Variants in CCDC77 observed in about 807,000 individuals in gnomAD.
The protein encoded by CCDC77 is coiled-coil domain containing 77.
CCDC77 carries 56 observed loss-of-function variants against 66.8 expected under a neutral mutation model. The observed-to-expected ratio is 0.84, with a 90% CI of 0.68 to 1.05. CCDC77 has a LOEUF of 1.05. Among genes scored for constraint, CCDC77 ranks in the 50% least tolerant of loss-of-function variants. The pLI is 0.00. For synonymous variants in CCDC77, 196 were observed against 195.2 expected, an observed-to-expected ratio of 1.00 and a Z score of -0.03; for missense variants, 570 against 576.8, an observed-to-expected ratio of 0.99 and a Z score of 0.12.
intron 4 of CCDC77, among the ~76,000 whole-genome samples, chr12:415,535 CATA>C (rs149815637): frequency 0.018 from 2,698 of 147,264 alleles, 77 homozygotes; most frequent in African/African-American, 0.059. Flanking sequence ...TAATTATTAA[CATA>C]ATAATATGTT....
exon 1 of CCDC77, chr12:389,450 T>A (rs1341306161): frequency 8.8e-6 from 4 of 453,486 alleles, no homozygotes; most frequent in Non-Finnish European, 1.6e-5. Context: ...CCGCCAAAGT[T>A]CTGCCCAGTC....
intron 4 of CCDC77, among the ~76,000 whole-genome samples, chr12:416,153 A>G (rs1945252046): frequency 6.6e-6 from 1 of 150,688 alleles, no homozygotes; most frequent in South Asian, 2.1e-4. Context: ...GTTGTCTAGG[A>G]TGGTCTTGAA....
At chr12:431,697 G>A (rs1222668608) in intron 7 of CCDC77, among the ~76,000 whole-genome samples, 169 bp from the exon 8 acceptor site, 1 of 152,144 alleles carries the variant, frequency 6.6e-6, no homozygotes, top group Non-Finnish European at 1.5e-5. Context: ...TAAGCACTAT[G>A]ATTATGATGT....
intron 9 of CCDC77, among the ~76,000 whole-genome samples, chr12:437,845 T>TAAAAA (rs3043231): frequency 9.5e-4 from 118 of 124,490 alleles, no homozygotes; most frequent in Non-Finnish European, 1.3e-3. Flanking sequence ...GACCCTGTCT[T>TAAAAA]AAAAAAAAAA....
At chr12:441,712 A>C in intron 12 of CCDC77, 62 bp from the exon 13 acceptor site, 2 of 1,553,860 alleles carry the variant, frequency 1.3e-6, no homozygotes, top group South Asian at 1.2e-5. Context: ...TTTTTGACTG[A>C]TATCGCTCCC....
upstream of CCDC77, among the ~76,000 whole-genome samples, chr12:398,826 C>G (rs1944861485): frequency 6.6e-6 from 1 of 151,776 alleles, no homozygotes; most frequent in Non-Finnish European, 1.5e-5. Flanking sequence ...GTGGCACAAT[C>G]TCGGCTCACT....
At chr12:441,047 G>C in intron 12 of CCDC77, 51 bp downstream of exon 12, 1 of 1,582,256 alleles carries the variant, frequency 6.3e-7, no homozygotes, top group Non-Finnish European at 8.6e-7. Flanking sequence ...TGTAAGTGAG[G>C]GAACATGGTC....
At chr12:394,276 C>T (rs1007328898) in intron 1 of CCDC77, among the ~76,000 whole-genome samples, 3 of 152,122 alleles carry the variant, frequency 2.0e-5, no homozygotes, top group Non-Finnish European at 2.9e-5. Context: ...CAACTGAGTG[C>T]GTTATGTGTT....
intron 4 of CCDC77, among the ~76,000 whole-genome samples, 187 bp from the exon 5 acceptor site, chr12:418,307 G>A (rs551903098): frequency 2.0e-5 from 3 of 152,092 alleles, no homozygotes; most frequent in South Asian, 4.2e-4. Context: ...AGCAAGACTT[G>A]GTCTCAATAA....
chr12:411,689 T>C, intron 3 of CCDC77, 58 bp from the exon 4 acceptor site: 3 of 1,384,506 alleles, frequency 2.2e-6, no homozygotes, highest in Non-Finnish European at 3.0e-6. Flanking sequence ...ATTTAGGAAG[T>C]TATAACTCAT....
At chr12:418,871 G>C (rs1945337408) in intron 5 of CCDC77, 3 of 430,304 alleles carry the variant, frequency 7.0e-6, no homozygotes. Flanking sequence ...GCTCATTTTT[G>C]TATTTTTAGT....
At chr12:416,681 T>A (rs1461142553) in intron 4 of CCDC77, among the ~76,000 whole-genome samples, 1 of 151,630 alleles carries the variant, frequency 6.6e-6, no homozygotes, top group Non-Finnish European at 1.5e-5. Flanking sequence ...GTTAAGTATA[T>A]TCACATTGTT....
rs376035524 is a variant in CCDC77 at position 428,871 on chromosome 12, T to G, written c.510+6T>G. The stretch of plus-strand genomic sequence containing the variant: ...GTAAGGAGCCTCCTCACAAAGTAAG[T>G]AATCTTTGGTGTAGCATGGTGAGTG... On this transcript the variant is annotated splice_donor_region_variant and intron_variant, in intron 6 of 12. Coordinates refer to ENST00000239830, the MANE Select transcript of CCDC77 (RefSeq NM_032358.4). 6 of 1,576,898 alleles carry G rather than the reference T, an allele frequency of 3.8e-6. No individual in the cohort carries two copies. Among genetic ancestry groups the G allele is most frequent in the Admixed American group, 1.7e-5 (1 of 59,428 alleles).
Position 408,065 on chromosome 12 carries a change from G to A in CCDC77, c.-16-1303G>A, listed in dbSNP as rs192646100. Among the ~76,000 whole-genome samples, 401 of 152,180 alleles carry A rather than the reference G, an allele frequency of 2.6e-3. 2 individuals carry two copies. Among genetic ancestry groups the A allele is most frequent in the Admixed American group, 4.1e-3 (63 of 15,276 alleles). ...GCCTCCCAAAGTGCTGGGATTACAG[G>A]CATGAGCCACCGCACCCGGCCACAG... On this transcript the variant is annotated intron_variant, in intron 2 of 12. Transcript: ENST00000239830.
At chr12:408,335 T>C (rs1257223946) in intron 2 of CCDC77, among the ~76,000 whole-genome samples, 2 of 152,196 alleles carry the variant, frequency 1.3e-5, no homozygotes, top group Non-Finnish European at 2.9e-5. Flanking sequence ...TTGCTTAAAG[T>C]ACAGGAGCTC....
intron 5 of CCDC77, among the ~76,000 whole-genome samples, chr12:424,354 C>A (rs944055546): frequency 6.6e-6 from 1 of 151,612 alleles, no homozygotes; most frequent in Non-Finnish European, 1.5e-5. Flanking sequence ...CCATAGATTG[C>A]CTTTTTATTT....
intron 1 of CCDC77, among the ~76,000 whole-genome samples, chr12:393,975 A>C (rs1415668939): frequency 1.3e-5 from 2 of 152,228 alleles, no homozygotes; most frequent in Non-Finnish European, 2.9e-5. Context: ...AAAAATTTAC[A>C]AAAATATCAC....
intron 5 of CCDC77, among the ~76,000 whole-genome samples, chr12:427,478 T>A (rs929718278): frequency 1.2e-4 from 17 of 136,210 alleles, no homozygotes; most frequent in East Asian, 3.9e-4. Flanking sequence ...TTAATTAATT[T>A]TTTTTTTTTT....
chr12:438,294 T>C (rs1353972441), intron 9 of CCDC77, 41 bp from the exon 10 acceptor site: 2 of 1,331,870 alleles, frequency 1.5e-6, no homozygotes, highest in African/African-American at 1.5e-5. Context: ...AGGTGTGCTG[T>C]GTGCGCATCC....
Sources: gnomAD v4.1 joint callset for allele counts (sites outside exome capture counted in the v4.1 genomes callset) on GRCh38, gnomAD v4.1.1 for gene constraint, MANE v1.5 for transcripts, NCBI Gene and HGNC (gene_info 2026-07-23, HGNC 2026-07-21) for gene names.